The following RAPGEF5 variants were observed in gnomAD, a reference collection of about 807,000 sequenced individuals.
RAPGEF5 encodes the protein Rap guanine nucleotide exchange factor 5, also known as M-Ras-regulated GEF.
In RAPGEF5, 65 loss-of-function variants were observed where a neutral mutation model predicts 125.2. That is an observed-to-expected ratio of 0.52 (90% CI 0.43 to 0.64). The LOEUF (loss-of-function observed/expected upper bound fraction) is 0.64, where lower values mean the gene tolerates loss of function less well. Among genes scored for constraint, RAPGEF5 ranks in the 30% least tolerant of loss-of-function variants. The pLI is 0.00. For synonymous variants in RAPGEF5, 391 were observed against 385.9 expected (o/e 1.01, Z -0.16); for missense variants, 958 against 1,048.1 (o/e 0.91, Z 1.19).
intron 1 of RAPGEF5, among the ~76,000 whole-genome samples, chr7:22,327,369 T>C (rs991299100): frequency 1.3e-5 from 2 of 152,230 alleles, no homozygotes; most frequent in Non-Finnish European, 2.9e-5. Flanking sequence ...ATTCATTACA[T>C]GAATCTTAAA....
At chr7:22,342,988 CACTCTACTGGT>C (rs1259146103) in intron 1 of RAPGEF5, among the ~76,000 whole-genome samples, 1 of 152,206 alleles carries the variant, frequency 6.6e-6, no homozygotes, top group Non-Finnish European at 1.5e-5. Context: ...GTAGTGCCCC[CACTCTACTGGT>C]ATCAATTTAC....
At chr7:22,166,633 C>A (rs1430658918) in intron 12 of RAPGEF5, among the ~76,000 whole-genome samples, 1 of 152,198 alleles carries the variant, frequency 6.6e-6, no homozygotes, top group Non-Finnish European at 1.5e-5. Context: ...GCCTGTCTCC[C>A]CTGAGATACT....
chr7:22,269,077 T>A (rs184534714), intron 6 of RAPGEF5, among the ~76,000 whole-genome samples: 1 of 148,416 alleles, frequency 6.7e-6, no homozygotes, highest in Admixed American at 6.9e-5. Context: ...TGTACTACAC[T>A]ACATCAACTG....
intron 12 of RAPGEF5, 47 bp downstream of exon 12, chr7:22,167,023 T>C (rs2128114831): frequency 6.8e-7 from 1 of 1,477,690 alleles, no homozygotes; most frequent in East Asian, 2.3e-5. Context: ...GTGGGACATC[T>C]GTCTGAGAGG....
chr7:22,310,300 T>C (rs1435405975), intron 3 of RAPGEF5, among the ~76,000 whole-genome samples: 2 of 152,222 alleles, frequency 1.3e-5, no homozygotes, highest in African/African-American at 4.8e-5. Flanking sequence ...TGTCTTCTAC[T>C]TTTTCATCAA....
intron 11 of RAPGEF5, among the ~76,000 whole-genome samples, chr7:22,179,141 A>G (rs938140308): frequency 6.6e-6 from 1 of 152,212 alleles, no homozygotes; most frequent in Non-Finnish European, 1.5e-5. Context: ...TTATGTCACA[A>G]TAATAGAATA....
chr7:22,263,058 C>T (rs560680610), intron 7 of RAPGEF5, among the ~76,000 whole-genome samples: 1 of 152,210 alleles, frequency 6.6e-6, no homozygotes, highest in Non-Finnish European at 1.5e-5. Context: ...TGAAAAGAGC[C>T]CATTTCAATA....
intron 7 of RAPGEF5, among the ~76,000 whole-genome samples, chr7:22,263,953 G>C (rs1423740899): frequency 6.6e-6 from 1 of 151,630 alleles, no homozygotes; most frequent in Non-Finnish European, 1.5e-5. Flanking sequence ...TACTATGATA[G>C]CAAGAAAAAA....
intron 5 of RAPGEF5, among the ~76,000 whole-genome samples, chr7:22,297,007 C>T (rs1316061224): frequency 6.6e-6 from 1 of 152,092 alleles, no homozygotes; most frequent in African/African-American, 2.4e-5. Context: ...TGGAGTGGTA[C>T]TGTTGAAAGC....
chr7:22,293,774 C>T (rs1768234672), intron 5 of RAPGEF5, among the ~76,000 whole-genome samples: 1 of 152,156 alleles, frequency 6.6e-6, no homozygotes, highest in South Asian at 2.1e-4. Flanking sequence ...CAACAGGCAA[C>T]AGCGGGAGAG....
chr7:22,292,883 G>A (rs1782966012), intron 5 of RAPGEF5, among the ~76,000 whole-genome samples: 1 of 152,232 alleles, frequency 6.6e-6, no homozygotes, highest in Non-Finnish European at 1.5e-5. Context: ...TCATAAATCT[G>A]TTTTCAACAA....
At chr7:22,185,712 G>A (rs1184188721) in intron 11 of RAPGEF5, among the ~76,000 whole-genome samples, 1 of 152,080 alleles carries the variant, frequency 6.6e-6, no homozygotes, top group East Asian at 1.9e-4. Flanking sequence ...TCAAGTCTTT[G>A]CTTTATCTGG....
At chr7:22,196,597 A>G (rs1785152052) in intron 9 of RAPGEF5, among the ~76,000 whole-genome samples, 1 of 152,206 alleles carries the variant, frequency 6.6e-6, no homozygotes, top group African/African-American at 2.4e-5. Context: ...CAACATAAGT[A>G]TAACTGGGTC....
intron 14 of RAPGEF5, 27 bp downstream of exon 14, chr7:22,160,491 C>G (rs755675978): frequency 6.5e-6 from 10 of 1,530,020 alleles, no homozygotes; most frequent in Middle Eastern, 2.0e-4. Context: ...CTTTCATTAA[C>G]TATAATTAGG....
chr7:22,146,157 A>C (rs1449739182), intron 19 of RAPGEF5, among the ~76,000 whole-genome samples: 3 of 152,198 alleles, frequency 2.0e-5, no homozygotes, highest in Non-Finnish European at 4.4e-5. Flanking sequence ...AAATATGAGG[A>C]CATTTGGGTC....
chr7:22,133,792 C>A (rs992709075), intron 23 of RAPGEF5, among the ~76,000 whole-genome samples: 1 of 152,132 alleles, frequency 6.6e-6, no homozygotes, highest in East Asian at 1.9e-4. Flanking sequence ...GTTTCCCATT[C>A]GTCCCTTTCT....
Position 22,150,121 on chromosome 7 carries a change from C to G in RAPGEF5, c.1884+286G>C, listed in dbSNP as rs1783577211. Among the ~76,000 whole-genome samples, 2 of 129,896 alleles carry G rather than the reference C, an allele frequency of 1.5e-5. 1 individual carries two copies. Among genetic ancestry groups the G allele is most frequent in the South Asian group, 5.0e-4 (2 of 4,036 alleles). 85.2% of individuals were successfully genotyped at this position (129,896 alleles called of 152,430 possible). A position where few individuals can be genotyped will look rare whatever the true frequency, so the allele number is the denominator to read the frequency against. ...TTGAGACAAGGTCCTACCCTATCAC[C>G]TGGGCTGGAGTGCAATGATGAGATC... On this transcript the variant is annotated intron_variant, in intron 18 of 25. Coordinates refer to ENST00000665637, the MANE Select transcript of RAPGEF5 (RefSeq NM_012294.5).
chr7:22,240,615 C>T (rs1184626434), intron 7 of RAPGEF5, among the ~76,000 whole-genome samples: 2 of 152,042 alleles, frequency 1.3e-5, no homozygotes, highest in African/African-American at 2.4e-5. Flanking sequence ...TCAAGTGATC[C>T]GCCTGCCTCA....
chr7:22,222,057 G>A (rs1363844751), intron 8 of RAPGEF5, among the ~76,000 whole-genome samples: 1 of 152,070 alleles, frequency 6.6e-6, no homozygotes, highest in Non-Finnish European at 1.5e-5. Flanking sequence ...GACCAGCCTG[G>A]CCAACATGGT....
Sources: allele counts gnomAD v4.1 joint callset (sites outside exome capture counted in the v4.1 genomes callset), GRCh38; gene constraint gnomAD v4.1.1; transcripts MANE v1.5; gene names NCBI Gene and HGNC (gene_info 2026-07-23, HGNC 2026-07-21).